DNAJB6: variants seen among roughly 807,000 people sequenced by gnomAD.
The protein encoded by DNAJB6 is dnaJ homolog subfamily B member 6.
A neutral mutation model predicts 42.7 loss-of-function variants in DNAJB6; 16 were observed. The observed-to-expected ratio is 0.37, with a 90% CI of 0.25 to 0.57. DNAJB6 has a LOEUF of 0.57. DNAJB6 is among the 20% of genes least tolerant of loss of function. DNAJB6 has a pLI of 0.74. For synonymous variants in DNAJB6, 170 were observed against 163.5 expected, an observed-to-expected ratio of 1.04 and a Z score of -0.30; for missense variants, 347 against 416.8, an observed-to-expected ratio of 0.83 and a Z score of 1.46.
chr7:157,387,832 T>TTTTGTTTG (rs372553414), intron 8 of DNAJB6, among the ~76,000 whole-genome samples: 1 of 151,826 alleles, frequency 6.6e-6, no homozygotes, highest in Admixed American at 6.6e-5. Context: ...AAAACTACTG[T>TTTTGTTTG]TTTGTTTGTT....
At chr7:157,388,058 C>T (rs1360069159) in intron 8 of DNAJB6, among the ~76,000 whole-genome samples, 2 of 152,146 alleles carry the variant, frequency 1.3e-5, no homozygotes, top group Non-Finnish European at 2.9e-5. Flanking sequence ...GTTGTCAGGG[C>T]TGGTCTGGAA....
intron 8 of DNAJB6, among the ~76,000 whole-genome samples, chr7:157,400,621 G>A (rs1026208730): frequency 6.6e-6 from 1 of 152,236 alleles, no homozygotes; most frequent in Admixed American, 6.5e-5. Flanking sequence ...CGCCGCTGGT[G>A]GTCTATGTCT....
intron 1 of DNAJB6, among the ~76,000 whole-genome samples, chr7:157,346,106 A>T (rs1319821796): frequency 6.6e-6 from 1 of 152,076 alleles, no homozygotes; most frequent in Admixed American, 6.6e-5. Context: ...AGAGGGAAGT[A>T]GAGGAGCTTT....
chr7:157,394,680 A>C (rs1801499725), intron 8 of DNAJB6, among the ~76,000 whole-genome samples: 1 of 152,106 alleles, frequency 6.6e-6, no homozygotes, highest in Non-Finnish European at 1.5e-5. Context: ...TTTGGGAGGA[A>C]CTTTATTGGG....
chr7:157,385,469 A>T (rs1286261690), intron 7 of DNAJB6, 72 bp from the exon 8 acceptor site: 3 of 1,522,272 alleles, frequency 2.0e-6, no homozygotes. Flanking sequence ...TAATGTCCTT[A>T]AACAACTTAG....
At chr7:157,355,223 G>C (rs778869055) in intron 1 of DNAJB6, among the ~76,000 whole-genome samples, 2 of 152,208 alleles carry the variant, frequency 1.3e-5, no homozygotes, top group Non-Finnish European at 2.9e-5. Context: ...GCGCGGGCGC[G>C]ATCTCGGCTC....
intron 8 of DNAJB6, among the ~76,000 whole-genome samples, chr7:157,389,595 C>G (rs970368535): frequency 1.3e-5 from 2 of 152,188 alleles, no homozygotes. Context: ...CCTAGCTGTT[C>G]TAGGGACGTG....
Position 157,358,107 on chromosome 7 carries a change from G to T in DNAJB6, c.-26-440G>T, listed in dbSNP as rs1289751868. Reference sequence around the variant, plus strand: ...TTGTTCCCATGTGAAGTTAGTTCAGGGCAGGGACAACGTGTTTGTCCTTGG... The same window carrying T: ...TTGTTCCCATGTGAAGTTAGTTCAGTGCAGGGACAACGTGTTTGTCCTTGG... On this transcript the variant is annotated intron_variant, in intron 1 of 9. Transcript: ENST00000262177. Among the ~76,000 whole-genome samples the T allele has an allele frequency of 2.6e-5, 4 of 152,160 alleles. No individual in the cohort carries two copies. In the East Asian group the frequency reaches 7.7e-4, roughly 29 times the overall value.
intron 1 of DNAJB6, among the ~76,000 whole-genome samples, chr7:157,340,836 T>C (rs1044218357): frequency 6.6e-5 from 10 of 151,994 alleles, no homozygotes; most frequent in African/African-American, 2.2e-4. Context: ...GCCTGGCTAA[T>C]TTTTGTATTT....
intron 2 of DNAJB6, among the ~76,000 whole-genome samples, chr7:157,361,190 G>A (rs1218169372): frequency 6.8e-6 from 1 of 147,270 alleles, no homozygotes; most frequent in Non-Finnish European, 1.5e-5. Flanking sequence ...ACGGTGTCTC[G>A]CTATGTCACC....
intron 5 of DNAJB6, among the ~76,000 whole-genome samples, chr7:157,375,621 G>C (rs1800432670): frequency 6.6e-6 from 1 of 152,222 alleles, no homozygotes; most frequent in African/African-American, 2.4e-5. Context: ...CTGAAGCCCT[G>C]TTCTCAGGGC....
intron 7 of DNAJB6, 95 bp downstream of exon 7, chr7:157,385,103 T>G (rs574430077): frequency 2.5e-5 from 32 of 1,284,404 alleles, no homozygotes; most frequent in African/African-American, 1.2e-4. Flanking sequence ...AAGTAGAGGT[T>G]GTTGTATGCT....
At chr7:157,349,928 C>A (rs557650380) in intron 1 of DNAJB6, among the ~76,000 whole-genome samples, 17 of 152,228 alleles carry the variant, frequency 1.1e-4, no homozygotes, top group African/African-American at 4.1e-4. Flanking sequence ...CAGACATGAG[C>A]CACCGCGCCT....
At chr7:157,414,476 C>T (rs1288154859) in intron 9 of DNAJB6, 2 of 152,276 alleles carry the variant, frequency 1.3e-5, no homozygotes, top group East Asian at 3.8e-4. Context: ...GCTTTGGAAG[C>T]AGGTACTCAG....
At chr7:157,353,234 G>C (rs1181184801) in intron 1 of DNAJB6, among the ~76,000 whole-genome samples, 1 of 150,392 alleles carries the variant, frequency 6.6e-6, no homozygotes, top group Non-Finnish European at 1.5e-5. Context: ...GGTCCAGTTT[G>C]GTTTCTGTGT....
intron 8 of DNAJB6, among the ~76,000 whole-genome samples, chr7:157,395,229 G>T (rs550047157): frequency 2.1e-5 from 3 of 144,892 alleles, no homozygotes; most frequent in South Asian, 2.2e-4. Context: ...GGAGGGGGCT[G>T]GGGGGGGGTT....
intron 8 of DNAJB6, among the ~76,000 whole-genome samples, chr7:157,407,603 T>C (rs1385031140): frequency 6.6e-6 from 1 of 152,114 alleles, no homozygotes. Context: ...TGGGATGTGG[T>C]ACCCTGGGAG....
intron 1 of DNAJB6, among the ~76,000 whole-genome samples, chr7:157,346,150 G>A (rs1037780635): frequency 3.3e-5 from 5 of 151,996 alleles, no homozygotes; most frequent in African/African-American, 7.2e-5. Flanking sequence ...TGCTGGGCGG[G>A]CCAGAAGGAT....
intron 1 of DNAJB6, among the ~76,000 whole-genome samples, chr7:157,348,308 G>C (rs1217667346): frequency 6.6e-6 from 1 of 152,072 alleles, no homozygotes; most frequent in Admixed American, 6.5e-5. Flanking sequence ...TGGCCAGGCT[G>C]GTCTTGAACT....
Sources: allele counts gnomAD v4.1 joint callset (sites outside exome capture counted in the v4.1 genomes callset), GRCh38; gene constraint gnomAD v4.1.1; transcripts MANE v1.5; gene names NCBI Gene and HGNC (gene_info 2026-07-23, HGNC 2026-07-21).